RPS6KA2: variants seen among roughly 807,000 people sequenced by gnomAD.
RPS6KA2 encodes ribosomal protein S6 kinase A2.
Under a neutral mutation model 91.8 loss-of-function variants are expected in RPS6KA2, and 42 were observed. The observed-to-expected ratio is 0.46, with a 90% CI of 0.36 to 0.59. The LOEUF (loss-of-function observed/expected upper bound fraction) is 0.59, where lower values mean the gene tolerates loss of function less well. Ranked by LOEUF, RPS6KA2 falls within the 20% of genes least tolerant of loss-of-function variation. RPS6KA2 has a pLI of 0.00. For synonymous variants in RPS6KA2, 414 were observed against 393.6 expected (o/e 1.05, Z -0.61); for missense variants, 798 against 978.5 (o/e 0.82, Z 2.46).
chr6:166,697,942 G>T (rs573133967), intron 2 of RPS6KA2, among the ~76,000 whole-genome samples: 117 of 152,280 alleles, frequency 7.7e-4, no homozygotes, highest in Middle Eastern at 6.8e-3. Flanking sequence ...TGGAATGAAT[G>T]GATATTGGAA....
rs1472780554 is a variant in RPS6KA2, at chr6:166,849,845, C to A, written c.123+8355G>T. Among the ~76,000 whole-genome samples, 1 of 152,200 alleles carries A rather than the reference C, an allele frequency of 6.6e-6. No individual in the cohort carries two copies. Among genetic ancestry groups the A allele is most frequent in the Non-Finnish European group, 1.5e-5 (1 of 68,038 alleles). On this transcript the variant is annotated intron_variant, in intron 2 of 21. Transcript: ENST00000503859. This position sits in a 1 kb window ranked among gnomAD's most constrained non-coding sequence, Gnocchi z 4.9. ...TGGAAATGGTTTTATAGGGTTTGCT[C>A]CATCTGTTCTACATAAGACAGAAGT...
chr6:166,483,212 A>C (rs1341050540), intron 10 of RPS6KA2, among the ~76,000 whole-genome samples: 3 of 152,218 alleles, frequency 2.0e-5, no homozygotes, highest in Non-Finnish European at 4.4e-5. Flanking sequence ...CGGAGCTGGA[A>C]GGAACTGCAG....
Position 166,434,318 on chromosome 6 carries a change from T to C in RPS6KA2, c.1333-1828A>G, listed in dbSNP as rs534630859. ...AAGAGTTAGGGTCCCTTTCTGGACATAGAATTTCTCTCCTTCTGCTGCATT... is the reference window on the plus strand; with the variant it reads ...AAGAGTTAGGGTCCCTTTCTGGACACAGAATTTCTCTCCTTCTGCTGCATT... On this transcript the variant is annotated intron_variant, in intron 14 of 20. Coordinates refer to ENST00000265678, the MANE Select transcript of RPS6KA2 (RefSeq NM_021135.6). The surrounding 1 kb of genome is among the most constrained non-coding windows in gnomAD (Gnocchi z 4.4). 2.6e-5 allele frequency among the ~76,000 whole-genome samples: 4 copies of C among 152,372 alleles called. No homozygotes were observed. In the East Asian group the frequency reaches 5.8e-4, roughly 22 times the overall value.
chr6:166,756,401 A>AT (rs1778012699), intron 2 of RPS6KA2, among the ~76,000 whole-genome samples: 1 of 152,222 alleles, frequency 6.6e-6, no homozygotes, highest in African/African-American at 2.4e-5. Flanking sequence ...TGTATTTCAT[A>AT]TTTTTTCTTT....
chr6:166,592,760 G>A (rs1359663291), intron 1 of RPS6KA2, among the ~76,000 whole-genome samples: 9 of 152,138 alleles, frequency 5.9e-5, no homozygotes, highest in South Asian at 2.1e-4. Flanking sequence ...ACAGGGCAAC[G>A]GCTCTTGGCT....
rs746400266 is a variant in RPS6KA2 at position 166,490,771 on chromosome 6, C to A, written c.748-30G>T. On this transcript the variant is annotated intron_variant, in intron 8 of 20. Transcript: ENST00000265678. This position sits in a 1 kb window ranked among gnomAD's most constrained non-coding sequence, Gnocchi z 4.2. ...AGAGCAACACAGAGCACAGTGAGTT[C>A]ATTCATCCAGATGGACCCGGCTTCA... 11 of 1,577,194 alleles carry A rather than the reference C, an allele frequency of 7.0e-6. No individual in the cohort carries two copies. In the Admixed American group the frequency reaches 1.9e-4, roughly 27 times the overall value.
chr6:166,593,121 CA>C (rs1228863618), intron 1 of RPS6KA2, among the ~76,000 whole-genome samples: 1 of 152,142 alleles, frequency 6.6e-6, no homozygotes, highest in African/African-American at 2.4e-5. Context: ...GTGTGAGCAC[CA>C]AAGAAGGCGG....
chr6:166,682,528 G>A (rs1377982648), intron 2 of RPS6KA2, among the ~76,000 whole-genome samples: 2 of 152,204 alleles, frequency 1.3e-5, no homozygotes, highest in African/African-American at 4.8e-5. Context: ...CCGAGGGCAG[G>A]GCCAACATGT....
At chr6:166,752,267 T>G (rs933746442) in intron 2 of RPS6KA2, among the ~76,000 whole-genome samples, 1 of 152,054 alleles carries the variant, frequency 6.6e-6, no homozygotes, top group Non-Finnish European at 1.5e-5. Context: ...TCACACAGAG[T>G]GAACAGCCTC....
intron 1 of RPS6KA2, among the ~76,000 whole-genome samples, chr6:166,582,530 A>G (rs969599616): frequency 6.6e-5 from 10 of 152,238 alleles, no homozygotes; most frequent in African/African-American, 1.9e-4. Context: ...GAAATGTAGC[A>G]TGGAGCTCTG....
In RPS6KA2 at chr6:166,419,025, C is replaced by T. The variant is rs1778634811; in HGVS notation, c.1821-683G>A. On this transcript the variant is annotated intron_variant, in intron 18 of 20. Transcript: ENST00000265678. This position sits in a 1 kb window ranked among gnomAD's most constrained non-coding sequence, Gnocchi z 5.6. Reference sequence around the variant, plus strand: ...TATTGGTAAGAAACTGAGGTTCCTTCCTTTGCTACTGCAGTCCTCAGGGTG... The same window carrying T: ...TATTGGTAAGAAACTGAGGTTCCTTTCTTTGCTACTGCAGTCCTCAGGGTG... 6.6e-6 allele frequency among the ~76,000 whole-genome samples: 1 copy of T among 152,188 alleles called. No individual in the cohort carries two copies. The highest frequency in any genetic ancestry group is 1.5e-5 in the Non-Finnish European group (1 of 68,034).
intron 14 of RPS6KA2, among the ~76,000 whole-genome samples, chr6:166,440,753 T>C (rs60507269): frequency 0.04 from 6,079 of 152,334 alleles, 400 homozygotes; most frequent in African/African-American, 0.14. Context: ...GATAGAATGA[T>C]GTCCTTTGTT....
At position 166,419,978 on chromosome 6, in the gene RPS6KA2, C is replaced by T; in HGVS notation, c.1744-20G>A. ...CAGGACCTAGGAGGGAACGACAGGACACCGGCACGCCCTTCACTAAGGACA... is the reference window on the plus strand; with the variant it reads ...CAGGACCTAGGAGGGAACGACAGGATACCGGCACGCCCTTCACTAAGGACA... On this transcript the variant is annotated intron_variant, in intron 17 of 20. Transcript: ENST00000265678. This position sits in a 1 kb window ranked among gnomAD's most constrained non-coding sequence, Gnocchi z 5.6. The T allele has an allele frequency of 6.2e-7, 1 of 1,609,000 alleles. No individual in the cohort carries two copies. The highest frequency in any genetic ancestry group is 1.7e-5 in the Admixed American group (1 of 59,992).
intron 2 of RPS6KA2, among the ~76,000 whole-genome samples, chr6:166,687,210 C>T (rs907015730): frequency 1.3e-5 from 2 of 152,174 alleles, no homozygotes; most frequent in Admixed American, 6.5e-5. Context: ...GTTCCTCCTG[C>T]GTGCCAGGAG....
intron 2 of RPS6KA2, among the ~76,000 whole-genome samples, chr6:166,843,262 C>T (rs1780530605): frequency 1.3e-5 from 2 of 152,214 alleles, no homozygotes; most frequent in African/African-American, 4.8e-5. Context: ...ACACCTAACC[C>T]TGTCCCACCT....
chr6:166,697,916 A>G (rs964453875), intron 2 of RPS6KA2, among the ~76,000 whole-genome samples: 1 of 152,086 alleles, frequency 6.6e-6, no homozygotes, highest in Non-Finnish European at 1.5e-5. Flanking sequence ...CACGGGGAGG[A>G]CTCGGCGGCT....
At chr6:166,688,650 G>GGCGAGA (rs1307994263) in intron 2 of RPS6KA2, among the ~76,000 whole-genome samples, 1 of 152,240 alleles carries the variant, frequency 6.6e-6, no homozygotes, top group African/African-American at 2.4e-5. Flanking sequence ...GGGGCGGGAA[G>GGCGAGA]GCGAGAGCGA....
At chr6:166,520,141 G>A (rs1022645502) in intron 3 of RPS6KA2, among the ~76,000 whole-genome samples, 9 of 152,124 alleles carry the variant, frequency 5.9e-5, no homozygotes, top group South Asian at 2.1e-4. Flanking sequence ...CTGGTTCTTG[G>A]ACTGAGACTT....
At chr6:166,469,326 GTT>G (rs60876703) in intron 11 of RPS6KA2, among the ~76,000 whole-genome samples, 9 of 137,740 alleles carry the variant, frequency 6.5e-5, no homozygotes, top group Non-Finnish European at 7.8e-5. Context: ...CGGCACTGTT[GTT>G]TTTTTTTTTT....
Sources: gnomAD v4.1 joint callset for allele counts (sites outside exome capture counted in the v4.1 genomes callset) on GRCh38, gnomAD v4.1.1 for gene constraint, Gnocchi (gnomAD v3.1) non-coding constraint, MANE v1.5 for transcripts, NCBI Gene and HGNC (gene_info 2026-07-23, HGNC 2026-07-21) for gene names.